Variants in SIVA1 observed in about 807,000 individuals in gnomAD.
SIVA1 encodes SIVA1 apoptosis inducing factor.
Under a neutral mutation model 19.7 loss-of-function variants are expected in SIVA1, and 10 were observed. The ratio of observed to expected loss-of-function variants is 0.51; its 90% CI spans 0.31 to 0.86. The LOEUF (loss-of-function observed/expected upper bound fraction) is 0.86, where lower values mean the gene tolerates loss of function less well. Among genes scored for constraint, SIVA1 ranks in the 40% least tolerant of loss-of-function variants. The probability of loss-of-function intolerance (pLI) is 0.04; values close to 1 mark genes in which losing one functional copy is unlikely to be tolerated. For synonymous variants in SIVA1, 130 were observed against 106.1 expected (o/e 1.23, Z -1.39); for missense variants, 241 against 245.2 (o/e 0.98, Z 0.11).
rs746410201 is a variant in SIVA1, at chr14:104,759,454, T to A, written c.497T>A (p.Leu166Gln). 6.2e-7 allele frequency: 1 copy of A among 1,612,950 alleles called. No homozygotes were observed. The highest frequency in any genetic ancestry group is 1.1e-5 in the South Asian group (1 of 91,058). Residue 166 changes from leucine to glutamine, a missense_variant, in exon 4 of 4, where the codon CTG becomes CAG. Coordinates refer to ENST00000329967, the MANE Select transcript of SIVA1 (RefSeq NM_006427.4). The surrounding 1 kb of genome is among the most constrained non-coding windows in gnomAD (Gnocchi z 4.2). ...TGCAGTGACATGTACGAGAAAGTGCTGTGCACCAGCTGTGCCATGTTCGAG... is the reference window on the plus strand; with the variant it reads ...TGCAGTGACATGTACGAGAAAGTGCAGTGCACCAGCTGTGCCATGTTCGAG... ...VDCSDMYEKV[L>Q]CTSCAMFET is the part of the protein sequence containing the mutation.
chr14:104,757,328 C>T (rs943919507), intron 3 of SIVA1: 1 of 419,832 alleles, frequency 2.4e-6, no homozygotes, highest in African/African-American at 2.1e-5. Flanking sequence ...TTTGCCCTGC[C>T]CCGTGAGAAA....
At chr14:104,753,342 A>G (rs574508020) in intron 1 of SIVA1, 23 bp downstream of exon 1, 6 of 1,521,610 alleles carry the variant, frequency 3.9e-6, no homozygotes, top group Middle Eastern at 1.7e-4. Flanking sequence ...CGGGCTGCCG[A>G]GGGTCCGCTG....
Position 104,755,115 on chromosome 14 carries a change from G to C in SIVA1, c.119-515G>C, listed in dbSNP as rs886917822. Among the ~76,000 whole-genome samples the C allele has an allele frequency of 2.6e-5, 4 of 152,324 alleles. No homozygotes were observed. In the Middle Eastern group the frequency reaches 0.01, roughly 389 times the overall value. ...TCTTGCCAGCAACTCTGTAGCAGGT[G>C]AAGGGGGTGTGCTCTGGCCAGAGGC... On this transcript the variant is annotated intron_variant, in intron 1 of 3. Transcript: ENST00000329967.
rs1385292238 is a variant in SIVA1, at chr14:104,759,314, G to T, written c.471-114G>T. 13 of 811,544 alleles carry T rather than the reference G, an allele frequency of 1.6e-5. No homozygotes were observed. The highest frequency in any genetic ancestry group is 2.4e-5 in the Non-Finnish European group (12 of 499,242). 50.3% of individuals were successfully genotyped at this position (811,544 alleles called of 1,614,324 possible). A position where few individuals can be genotyped will look rare whatever the true frequency, so the allele number is the denominator to read the frequency against. On this transcript the variant is annotated intron_variant, in intron 3 of 3. Transcript: ENST00000329967. The surrounding 1 kb of genome is among the most constrained non-coding windows in gnomAD (Gnocchi z 4.2). ...CGCAGTGATCCTGTCTCCAGATAAG[G>T]TCATGTCCTGAGGTGTTCTGGGTTA...
rs191807580 is a variant in SIVA1 at position 104,757,330 on chromosome 14, C to T, written c.470+570C>T. 1.4e-3 allele frequency: 595 copies of T among 416,988 alleles called. 1 individual carries two copies. Among genetic ancestry groups the T allele is most frequent in the Non-Finnish European group, 2.3e-3 (480 of 207,326 alleles). 25.8% of individuals were successfully genotyped at this position (416,988 alleles called of 1,614,324 possible). ...AGTGTGGAGCCTGTTTGCCCTGCCC[C>T]GTGAGAAAGATGACTTCATCCAGAC... On this transcript the variant is annotated intron_variant, in intron 3 of 3. Transcript: ENST00000329967.
At chr14:104,757,283 C>T (rs1013957446) in intron 3 of SIVA1, 3 of 442,380 alleles carry the variant, frequency 6.8e-6, no homozygotes, top group African/African-American at 6.1e-5. Flanking sequence ...AGGGGCTACT[C>T]ACCTGGTGGA....
At chr14:104,755,504 T>G (rs1595225048) in intron 1 of SIVA1, 126 bp from the exon 2 acceptor site, 1 of 830,440 alleles carries the variant, frequency 1.2e-6, no homozygotes, top group Non-Finnish European at 2.0e-6. Context: ...CAGGCTGGGG[T>G]TACTGGGAGA....
chr14:104,758,939 A>G (rs142833212), intron 3 of SIVA1: 3 of 153,198 alleles, frequency 2.0e-5, no homozygotes, highest in African/African-American at 7.2e-5. Flanking sequence ...GTTGGGCCCC[A>G]TGTGGATTGA....
intron 2 of SIVA1, 141 bp from the exon 3 acceptor site, chr14:104,756,463 C>CA (rs1318586083): frequency 1.1e-6 from 1 of 879,924 alleles, no homozygotes; most frequent in Non-Finnish European, 1.8e-6. Flanking sequence ...CACGGGTTGT[C>CA]AGAAGGATCC....
chr14:104,754,962 T>C (rs1373706491), intron 1 of SIVA1, among the ~76,000 whole-genome samples: 1 of 152,196 alleles, frequency 6.6e-6, no homozygotes, highest in East Asian at 1.9e-4. Flanking sequence ...CATTTCTGGG[T>C]CTGGCCCTGG....
intron 3 of SIVA1, chr14:104,758,475 T>TTACCTTTAG (rs774613557): frequency 4.6e-5 from 7 of 151,196 alleles, no homozygotes; most frequent in Non-Finnish European, 1.0e-4. Flanking sequence ...TCCCTAGCCT[T>TTACCTTTAG]TACCTTTAGA....
At position 104,759,235 on chromosome 14, in the gene SIVA1, G is replaced by T. The variant is rs1892003162; in HGVS notation, c.471-193G>T. 2.0e-6 allele frequency: 1 copy of T among 490,002 alleles called. No homozygotes were observed. Among genetic ancestry groups the T allele is most frequent in the Non-Finnish European group, 3.6e-6 (1 of 274,922 alleles). 30.4% of individuals were successfully genotyped at this position (490,002 alleles called of 1,614,324 possible). On this transcript the variant is annotated intron_variant, in intron 3 of 3. Transcript: ENST00000329967. The surrounding 1 kb of genome is among the most constrained non-coding windows in gnomAD (Gnocchi z 4.2). ...TTCACGTAGTCTTTTTAGGACGCTGGTCGTGTTGCCTTAGGGCCCCCATGT... is the reference window on the plus strand; with the variant it reads ...TTCACGTAGTCTTTTTAGGACGCTGTTCGTGTTGCCTTAGGGCCCCCATGT...
chr14:104,757,000 T>G, intron 3 of SIVA1: 1 of 563,914 alleles, frequency 1.8e-6, no homozygotes, highest in Non-Finnish European at 3.2e-6. Context: ...CCGGCTCTAG[T>G]CCCTGTCTTC....
chr14:104,756,629 C>T lies in SIVA1; in HGVS notation c.339C>T (p.Ala113=), dbSNP rs1891898593. The change falls in exon 3 of 4, where the codon GCC becomes GCT. Residue 113 remains alanine, a synonymous_variant. Coordinates refer to ENST00000329967, the MANE Select transcript of SIVA1 (RefSeq NM_006427.4). Reference sequence around the variant, plus strand: ...ACCCATCTGGGGTAGCGTCCATTGCCTGTTCCTCATGCGTGCGAGCCGTGG... The same window carrying T: ...ACCCATCTGGGGTAGCGTCCATTGCTTGTTCCTCATGCGTGCGAGCCGTGG... ...EADPSGVASI[A]CSSCVRAVDG... 2 of 1,614,122 alleles carry T rather than the reference C, an allele frequency of 1.2e-6. No homozygotes were observed. Among genetic ancestry groups the T allele is most frequent in the South Asian group, 2.2e-5 (2 of 91,094 alleles).
chr14:104,757,282 T>A (rs1351416007), intron 3 of SIVA1: 1 of 441,560 alleles, frequency 2.3e-6, no homozygotes, highest in East Asian at 7.4e-5. Flanking sequence ...TAGGGGCTAC[T>A]CACCTGGTGG....
At position 104,759,429 on chromosome 14, in the gene SIVA1, T is replaced by C. The variant is rs1351965232; in HGVS notation, c.472T>C (p.Cys158Arg). 6.2e-7 allele frequency: 1 copy of C among 1,613,268 alleles called. No individual in the cohort carries two copies. Among genetic ancestry groups the C allele is most frequent in the East Asian group, 2.2e-5 (1 of 44,872 alleles). The change falls in exon 4 of 4, where the codon TGC becomes CGC. Residue 158 changes from cysteine (C) to arginine (R), a missense_variant and splice_region_variant. Physicochemically the swap from Cys to Arg is radical, Grantham distance 180. Coordinates refer to ENST00000329967, the MANE Select transcript of SIVA1 (RefSeq NM_006427.4). The surrounding 1 kb of genome is among the most constrained non-coding windows in gnomAD (Gnocchi z 4.2). ...CTCCCCTCCCTGACGCTGTCGCAGC[T>C]GCAGTGACATGTACGAGAAAGTGCT... ...VACTLCGLVD[C>R]SDMYEKVLCT...
Position 104,759,201 on chromosome 14 carries a change from G to T in SIVA1, c.471-227G>T. ...TCTTCATGTCGTCTTCCTTCTCTGT[G>T]TCCTTCTCTTCACGTAGTCTTTTTA... On this transcript the variant is annotated intron_variant, in intron 3 of 3. Transcript: ENST00000329967. The surrounding 1 kb of genome is among the most constrained non-coding windows in gnomAD (Gnocchi z 4.2). 1 of 442,078 alleles carries T rather than the reference G, an allele frequency of 2.3e-6. No homozygotes were observed. Among genetic ancestry groups the T allele is most frequent in the Non-Finnish European group, 4.1e-6 (1 of 246,836 alleles). The allele number at this position is 442,078 out of a possible 1,614,324, so 27.4% of individuals were successfully genotyped here. A position where few individuals can be genotyped will look rare whatever the true frequency, so the allele number is the denominator to read the frequency against.
rs1465415482 is a variant in SIVA1 at position 104,753,697 on chromosome 14, A to G, written c.118+378A>G. 1.4e-5 allele frequency: 6 copies of G among 430,034 alleles called. No homozygotes were observed. In the Admixed American group the frequency reaches 1.5e-4, roughly 11 times the overall value. 26.6% of individuals were successfully genotyped at this position (430,034 alleles called of 1,614,324 possible). A position where few individuals can be genotyped will look rare whatever the true frequency, so the allele number is the denominator to read the frequency against. On this transcript the variant is annotated intron_variant, in intron 1 of 3. Transcript: ENST00000329967. ...GAGGTTGGGGAGCGGGGCGTCCTGC[A>G]TGGAGTCAACCCGAAGAGTGCCCCT...
chr14:104,754,127 C>T (rs918244836), intron 1 of SIVA1, among the ~76,000 whole-genome samples: 1 of 152,276 alleles, frequency 6.6e-6, no homozygotes, highest in African/African-American at 2.4e-5. Context: ...CTGTGGATTT[C>T]AGGCGTGTTG....
Sources: gnomAD v4.1 joint callset for allele counts (sites outside exome capture counted in the v4.1 genomes callset) on GRCh38, gnomAD v4.1.1 for gene constraint, Gnocchi (gnomAD v3.1) non-coding constraint, MANE v1.5 for transcripts, NCBI Gene and HGNC (gene_info 2026-07-23, HGNC 2026-07-21) for gene names.